Variants in TBCK observed in about 807,000 individuals in gnomAD.
TBCK encodes the protein TBC domain-containing protein kinase-like protein.
A neutral mutation model predicts 113.4 loss-of-function variants in TBCK; 99 were observed. The observed-to-expected ratio is 0.87, with a 90% CI of 0.74 to 1.03. TBCK has a LOEUF of 1.03. Among genes scored for constraint, TBCK ranks in the 50% least tolerant of loss-of-function variants. The pLI, the probability that TBCK is intolerant of heterozygous loss-of-function variation, is 0.00. For synonymous variants in TBCK, 369 were observed against 370.8 expected (o/e 1.00, Z 0.05); for missense variants, 1,045 against 1,061.3 (o/e 0.98, Z 0.21).
At chr4:106,314,921 G>C (rs1391067386) in intron 1 of TBCK, among the ~76,000 whole-genome samples, 1 of 151,942 alleles carries the variant, frequency 6.6e-6, no homozygotes. Flanking sequence ...CACCGCGCCC[G>C]ACCATTTTAT....
intron 23 of TBCK, among the ~76,000 whole-genome samples, chr4:106,168,893 T>C (rs1007503297): frequency 3.3e-5 from 5 of 151,942 alleles, no homozygotes; most frequent in Admixed American, 2.0e-4. Context: ...AAAGGTTGAA[T>C]ATCTCTAGTT....
chr4:106,165,318 T>C (rs750986016), intron 23 of TBCK, among the ~76,000 whole-genome samples: 2 of 151,782 alleles, frequency 1.3e-5, no homozygotes, highest in Admixed American at 6.6e-5. Flanking sequence ...TGGCACTAGA[T>C]GAAATAATTA....
intron 23 of TBCK, among the ~76,000 whole-genome samples, chr4:106,170,267 T>A (rs563423086): frequency 1.3e-5 from 2 of 152,266 alleles, no homozygotes; most frequent in Admixed American, 6.5e-5. Flanking sequence ...TATTTATTTA[T>A]AAGTGTGGGT....
intron 23 of TBCK, among the ~76,000 whole-genome samples, chr4:106,167,960 C>A (rs1579106067): frequency 1.3e-5 from 2 of 151,882 alleles, no homozygotes; most frequent in East Asian, 3.9e-4. Flanking sequence ...TCTACAATTT[C>A]TTTGAGAGGA....
intron 22 of TBCK, among the ~76,000 whole-genome samples, chr4:106,189,750 A>G (rs982758449): frequency 1.3e-5 from 2 of 152,128 alleles, no homozygotes; most frequent in Non-Finnish European, 2.9e-5. Flanking sequence ...AAATACTGAA[A>G]AAATATCTCA....
At chr4:106,063,551 G>A (rs916486787) in intron 25 of TBCK, among the ~76,000 whole-genome samples, 5 of 151,866 alleles carry the variant, frequency 3.3e-5, no homozygotes, top group Non-Finnish European at 7.4e-5. Context: ...ATAATCTCAG[G>A]TGCCTGAGAC....
chr4:106,202,898 T>C (rs887022572), intron 20 of TBCK, among the ~76,000 whole-genome samples: 2 of 152,100 alleles, frequency 1.3e-5, no homozygotes, highest in Non-Finnish European at 2.9e-5. Context: ...TGATTTTTTA[T>C]GATATTTGTG....
intron 23 of TBCK, among the ~76,000 whole-genome samples, chr4:106,157,661 C>T (rs925833282): frequency 1.3e-5 from 2 of 152,078 alleles, no homozygotes; most frequent in African/African-American, 2.4e-5. Context: ...ACAATTCCTG[C>T]TGGGGGGTGG....
chr4:106,260,440 A>G lies in TBCK; in HGVS notation c.452T>C (p.Ile151Thr). Residue 151 changes from isoleucine to threonine, a missense_variant, in exon 5 of 26, where the codon ATA becomes ACA. Transcript: ENST00000394708. ...TAHGDDVDFP[I>T]GYPSYLAPEV... ...ATAGAGGAAAACATATCCTTACCCT[A>G]TTGGGAAATCAACATCATCACCATG... The G allele has an allele frequency of 7.5e-7, 1 of 1,339,172 alleles. No homozygotes were observed. Among genetic ancestry groups the G allele is most frequent in the Non-Finnish European group, 9.9e-7 (1 of 1,010,510 alleles). 83.0% of individuals were successfully genotyped at this position (1,339,172 alleles called of 1,614,324 possible).
chr4:106,109,020 C>CAT (rs1431489431), intron 24 of TBCK, among the ~76,000 whole-genome samples: 7 of 129,528 alleles, frequency 5.4e-5, no homozygotes, highest in African/African-American at 2.1e-4. Flanking sequence ...CACACACATA[C>CAT]ACACACACAC....
intron 25 of TBCK, among the ~76,000 whole-genome samples, chr4:106,059,643 T>A (rs2149458247): frequency 1.3e-5 from 2 of 151,666 alleles, no homozygotes; most frequent in South Asian, 4.1e-4. Context: ...CACAAAAATA[T>A]TAAAAATATT....
chr4:106,075,972 G>A (rs935751290), intron 25 of TBCK, among the ~76,000 whole-genome samples: 6 of 152,224 alleles, frequency 3.9e-5, no homozygotes, highest in Non-Finnish European at 7.3e-5. Flanking sequence ...AAAGCCTTCG[G>A]AGCTCACTGA....
chr4:106,086,264 C>T (rs1739503899), intron 25 of TBCK, among the ~76,000 whole-genome samples: 1 of 151,950 alleles, frequency 6.6e-6, no homozygotes, highest in South Asian at 2.1e-4. Context: ...CCATTGATGC[C>T]ACGGAAATAC....
intron 23 of TBCK, among the ~76,000 whole-genome samples, chr4:106,123,873 C>T (rs1243901191): frequency 1.9e-4 from 28 of 147,546 alleles, no homozygotes; most frequent in African/African-American, 5.3e-4. Context: ...AAGACTTAAA[C>T]GTTAGACCTA....
At chr4:106,102,155 A>G (rs905747720) in intron 24 of TBCK, among the ~76,000 whole-genome samples, 1 of 152,200 alleles carries the variant, frequency 6.6e-6, no homozygotes, top group Non-Finnish European at 1.5e-5. Context: ...AGACTATATT[A>G]GGGTTTCTTC....
intron 19 of TBCK, among the ~76,000 whole-genome samples, chr4:106,224,088 T>C (rs904753955): frequency 3.3e-5 from 5 of 152,072 alleles, no homozygotes; most frequent in Admixed American, 3.3e-4. Context: ...TAAGAAATAT[T>C]CATTTAAGTC....
At chr4:106,073,422 C>T (rs533654719) in intron 25 of TBCK, among the ~76,000 whole-genome samples, 22 of 152,300 alleles carry the variant, frequency 1.4e-4, no homozygotes, top group Non-Finnish European at 2.8e-4. Context: ...GTATCACCAG[C>T]GGAGGCTGAA....
chr4:106,050,800 G>A (rs563096735), intron 25 of TBCK, among the ~76,000 whole-genome samples: 1 of 152,086 alleles, frequency 6.6e-6, no homozygotes, highest in Middle Eastern at 3.4e-3. Flanking sequence ...TCCTGGCACA[G>A]TATCTGGGGA....
At position 106,171,114 on chromosome 4, in the gene TBCK, T is replaced by C. The variant is rs779786471; in HGVS notation, c.2216A>G (p.Asp739Gly). 1 of 1,609,846 alleles carries C rather than the reference T, an allele frequency of 6.2e-7. No individual in the cohort carries two copies. Among genetic ancestry groups the C allele is most frequent in the African/African-American group, 1.3e-5 (1 of 74,720 alleles). The change falls in exon 23 of 26, where the codon GAT becomes GGT. Residue 739 changes from aspartate to glycine, a missense_variant. Asp to Gly is a moderately conservative substitution (Grantham distance 94, BLOSUM62 -1). Transcript: ENST00000394708. ...ACATACCAGATCTGTCTTTGGAGGATCTGGACACTCAGCAGAGAAATAAGG... is the reference window on the plus strand; with the variant it reads ...ACATACCAGATCTGTCTTTGGAGGACCTGGACACTCAGCAGAGAAATAAGG... ...SAPYFSAECP[D>G]PPKTDLSRES...
Sources: gnomAD v4.1 joint callset for allele counts (sites outside exome capture counted in the v4.1 genomes callset) on GRCh38, gnomAD v4.1.1 for gene constraint, MANE v1.5 for transcripts, NCBI Gene and HGNC (gene_info 2026-07-23, HGNC 2026-07-21) for gene names.